The following TBX15 variants were observed in gnomAD, a reference collection of about 807,000 sequenced individuals.
TBX15 encodes the protein T-box transcription factor TBX15.
TBX15 carries 18 observed loss-of-function variants against 53.9 expected under a neutral mutation model. The ratio of observed to expected loss-of-function variants is 0.33; its 90% confidence interval spans 0.23 to 0.49. The LOEUF (loss-of-function observed/expected upper bound fraction) is 0.49, where lower values mean the gene tolerates loss of function less well. Ranked by LOEUF, TBX15 falls within the 20% of genes least tolerant of loss-of-function variation. The probability of loss-of-function intolerance (pLI) is 0.98; values close to 1 mark genes in which losing one functional copy is unlikely to be tolerated. For synonymous variants in TBX15, 295 were observed against 278.0 expected (o/e 1.06, Z -0.61); for missense variants, 692 against 749.5 (o/e 0.92, Z 0.90).
chr1:118,897,824 G>A (rs1036917975), intron 7 of TBX15, among the ~76,000 whole-genome samples: 1 of 152,146 alleles, frequency 6.6e-6, no homozygotes, highest in African/African-American at 2.4e-5. Flanking sequence ...ATATATAAAA[G>A]AGATGGAAAT....
intron 1 of TBX15, among the ~76,000 whole-genome samples, chr1:118,980,777 G>A (rs1417671455): frequency 6.6e-6 from 1 of 151,802 alleles, no homozygotes; most frequent in Non-Finnish European, 1.5e-5. Context: ...CACTCCTCCT[G>A]TTCTTTTAAA....
chr1:118,888,749 C>T (rs1460677795), intron 7 of TBX15, among the ~76,000 whole-genome samples: 1 of 152,172 alleles, frequency 6.6e-6, no homozygotes, highest in Non-Finnish European at 1.5e-5. Context: ...GCATGTCATA[C>T]TGTCCTGTCA....
At chr1:118,950,302 G>C (rs116393999) in intron 1 of TBX15, among the ~76,000 whole-genome samples, 2,163 of 152,310 alleles carry the variant, frequency 0.014, 46 homozygotes, top group African/African-American at 0.05. Context: ...ACAGGCTCTT[G>C]TCTGACTTGT....
intron 1 of TBX15, among the ~76,000 whole-genome samples, chr1:118,985,672 T>A (rs905938448): frequency 5.3e-5 from 8 of 152,188 alleles, no homozygotes; most frequent in African/African-American, 1.9e-4. Flanking sequence ...CACAAATATA[T>A]TTCGTTTTCT....
At chr1:118,918,638 T>C (rs766594416) in intron 5 of TBX15, among the ~76,000 whole-genome samples, 1 of 152,204 alleles carries the variant, frequency 6.6e-6, no homozygotes, top group Non-Finnish European at 1.5e-5. Flanking sequence ...TTTATTTCCA[T>C]AACCTTATAC....
intron 6 of TBX15, among the ~76,000 whole-genome samples, chr1:118,909,223 A>G (rs1654946674): frequency 6.6e-6 from 1 of 152,256 alleles, no homozygotes; most frequent in African/African-American, 2.4e-5. Context: ...TGGAAGGCAC[A>G]GGAGCCTAAT....
At chr1:118,893,348 GGAAGGAAGGAAAGAAAGAAAGAAAGAAA>G (rs1557872480) in intron 7 of TBX15, among the ~76,000 whole-genome samples, 6 of 61,036 alleles carry the variant, frequency 9.8e-5, no homozygotes, top group Non-Finnish European at 1.4e-4. Flanking sequence ...AAGGAAGGAA[GGAAGGAAGGAAAGAAAGAAAGAAAGAAA>G]GAAAGAAAGA....
At chr1:118,916,954 G>A (rs1464688437) in intron 5 of TBX15, among the ~76,000 whole-genome samples, 2 of 152,074 alleles carry the variant, frequency 1.3e-5, no homozygotes, top group East Asian at 1.9e-4. Flanking sequence ...AAATAGGAAT[G>A]CTTTTCACTG....
At chr1:118,917,517 C>T (rs943257169) in intron 5 of TBX15, among the ~76,000 whole-genome samples, 6 of 152,100 alleles carry the variant, frequency 3.9e-5, no homozygotes, top group African/African-American at 1.4e-4. Context: ...CCATGGCACA[C>T]ATTTACCTAT....
rs367738581 is a variant in TBX15, at chr1:118,926,541, C to T, written c.490G>A (p.Asp164Asn). Residue 164 changes from aspartate (D) to asparagine (N), a missense_variant, in exon 3 of 8, where the codon GAC (aspartate) becomes AAC (asparagine). Asp to Asn is a conservative substitution (Grantham distance 23). Coordinates refer to ENST00000369429, the MANE Select transcript of TBX15 (RefSeq NM_001330677.2). ...DPHQQYYIAM[D>N]IVPVDNKRYR... The stretch of plus-strand genomic sequence containing the variant: ...CTTTTATTGTCCACAGGCACAATGT[C>T]CATTGCTATGTAGTACTGCTGATGT... 58 of 1,613,788 alleles carry T rather than the reference C, an allele frequency of 3.6e-5. No homozygotes were observed. The highest frequency in any genetic ancestry group is 4.2e-5 in the Non-Finnish European group (49 of 1,179,902).
chr1:118,914,112 T>TA lies in TBX15; in HGVS notation c.926+2dup. 1 of 1,613,728 alleles carries TA rather than the reference T, an allele frequency of 6.2e-7. No individual in the cohort carries two copies. Among genetic ancestry groups the TA allele is most frequent in the Non-Finnish European group, 8.5e-7 (1 of 1,179,738 alleles). On this transcript the variant is annotated splice_region_variant and intron_variant, in intron 6 of 7. Transcript: ENST00000369429. ...GAAGTGCCTCTTCCCCAGTGATTCT[T>TA]ACCTGTTTCTCCCAGAATCTCTGAA...
chr1:118,929,533 A>G (rs1655712958), intron 2 of TBX15, among the ~76,000 whole-genome samples: 1 of 152,214 alleles, frequency 6.6e-6, no homozygotes, highest in Non-Finnish European at 1.5e-5. Flanking sequence ...ACAACTGAAT[A>G]CAGAACCAAT....
chr1:118,984,355 C>CA (rs745521704), intron 1 of TBX15, among the ~76,000 whole-genome samples: 13 of 152,242 alleles, frequency 8.5e-5, no homozygotes, highest in Non-Finnish European at 1.5e-4. Flanking sequence ...AGAAGGTTTA[C>CA]ATTATTTCGC....
At chr1:118,945,982 A>C (rs1656334651) in intron 1 of TBX15, among the ~76,000 whole-genome samples, 1 of 152,242 alleles carries the variant, frequency 6.6e-6, no homozygotes. Flanking sequence ...ACATATAATC[A>C]ACATTGATGT....
At chr1:118,915,971 A>G (rs1655206166) in intron 5 of TBX15, among the ~76,000 whole-genome samples, 1 of 152,236 alleles carries the variant, frequency 6.6e-6, no homozygotes, top group South Asian at 2.1e-4. Flanking sequence ...AGTGTTAGAA[A>G]AAAACAATAT....
intron 3 of TBX15, among the ~76,000 whole-genome samples, chr1:118,926,220 G>A (rs1479925514): frequency 6.6e-6 from 1 of 152,096 alleles, no homozygotes; most frequent in Non-Finnish European, 1.5e-5. Flanking sequence ...TATTCAATAT[G>A]TTAATCACTT....
Position 118,918,735 on chromosome 1 carries a change from G to A in TBX15, c.862-4556C>T, listed in dbSNP as rs910811477. On this transcript the variant is annotated intron_variant, in intron 5 of 7. Coordinates refer to ENST00000369429, the MANE Select transcript of TBX15 (RefSeq NM_001330677.2). ...CACCATTAATGTTAATCATTGTCACGGACTTCTTGCCTAGTAACATGGAGG... is the reference window on the plus strand; with the variant it reads ...CACCATTAATGTTAATCATTGTCACAGACTTCTTGCCTAGTAACATGGAGG... 5.9e-5 allele frequency among the ~76,000 whole-genome samples: 9 copies of A among 152,046 alleles called. No homozygotes were observed. In the East Asian group the frequency reaches 1.7e-3, roughly 29 times the overall value.
Position 118,987,618 on chromosome 1 carries a change from C to T in TBX15, c.178G>A (p.Ala60Thr), listed in dbSNP as rs922654740. Residue 60 changes from alanine (A) to threonine (T), a missense_variant, in exon 1 of 8, where the codon GCG becomes ACG. Around this residue, in one of 3 missense-constraint regions of TBX15, gnomAD observed 307 missense variants for 347.5 expected, o/e 0.88. Coordinates refer to ENST00000369429, the MANE Select transcript of TBX15 (RefSeq NM_001330677.2). ...AGPLGDTEDA[A>T]AHGLEPHPDS... ...GGGTGAGGCTCCAGGCCGTGTGCCG[C>T]CGCGTCCTCCGTGTCTCCGAGTGGG... is the stretch of plus-strand genomic sequence containing the variant. 1.3e-6 allele frequency: 2 copies of T among 1,549,022 alleles called. No individual in the cohort carries two copies. The highest frequency in any genetic ancestry group is 1.4e-5 in the African/African-American group (1 of 73,024).
At chr1:118,984,864 G>A (rs1657777450) in intron 1 of TBX15, among the ~76,000 whole-genome samples, 1 of 152,304 alleles carries the variant, frequency 6.6e-6, no homozygotes, top group East Asian at 1.9e-4. Flanking sequence ...GTTGCTGCAG[G>A]TTGGTGCCCC....
Sources: gnomAD v4.1 joint callset for allele counts (sites outside exome capture counted in the v4.1 genomes callset) on GRCh38, gnomAD v4.1.1 for gene constraint, gnomAD v4.1.1 regional missense constraint, MANE v1.5 for transcripts, NCBI Gene and HGNC (gene_info 2026-07-23, HGNC 2026-07-21) for gene names.